Variants in TNRC6C observed in about 807,000 individuals in gnomAD.
The protein encoded by TNRC6C is trinucleotide repeat-containing gene 6C protein.
A neutral mutation model predicts 153.7 loss-of-function variants in TNRC6C; 20 were observed. The ratio of observed to expected loss-of-function variants is 0.13; its 90% CI spans 0.09 to 0.19. The LOEUF is 0.19. TNRC6C is among the 10% of genes least tolerant of loss of function. The pLI is 1.00. For synonymous variants in TNRC6C, 811 were observed against 841.4 expected, an observed-to-expected ratio of 0.96 and a Z score of 0.63; for missense variants, 1,987 against 2,172.0, an observed-to-expected ratio of 0.91 and a Z score of 1.69.
chr17:78,012,533 T>G (rs1452308879), intron 1 of TNRC6C, among the ~76,000 whole-genome samples: 1 of 152,214 alleles, frequency 6.6e-6, no homozygotes, highest in Admixed American at 6.5e-5. Context: ...CTCAAAGAGA[T>G]ATTTTAGTGG....
chr17:77,958,350 AC>A (rs144869330), upstream of TNRC6C, among the ~76,000 whole-genome samples: 4 of 149,724 alleles, frequency 2.7e-5, no homozygotes, highest in African/African-American at 7.4e-5. Flanking sequence ...TCTCCACGTA[AC>A]CCCCCCGAGC....
At chr17:77,979,521 C>T (rs2071044690) in intron 1 of TNRC6C, among the ~76,000 whole-genome samples, 1 of 151,818 alleles carries the variant, frequency 6.6e-6, no homozygotes, top group African/African-American at 2.4e-5. Flanking sequence ...AGACAATATC[C>T]ATACCAAAGC....
chr17:78,027,151 G>A (rs981522555), intron 1 of TNRC6C, among the ~76,000 whole-genome samples: 1 of 152,104 alleles, frequency 6.6e-6, no homozygotes, highest in African/African-American at 2.4e-5. Flanking sequence ...GGGTCTTTTG[G>A]TCCAAAGACT....
intron 1 of TNRC6C, among the ~76,000 whole-genome samples, chr17:77,967,986 A>G (rs960437604): frequency 2.6e-5 from 4 of 152,254 alleles, no homozygotes; most frequent in African/African-American, 9.6e-5. Flanking sequence ...ACTCCTTTAA[A>G]GGTTACTTTA....
At chr17:77,995,285 C>G (rs1261891707) in intron 1 of TNRC6C, among the ~76,000 whole-genome samples, 1 of 152,182 alleles carries the variant, frequency 6.6e-6, no homozygotes, top group Non-Finnish European at 1.5e-5. Flanking sequence ...ACCAGAGGCA[C>G]TGTGTGTGCA....
intron 1 of TNRC6C, among the ~76,000 whole-genome samples, chr17:77,963,802 A>G (rs1897459158): frequency 6.6e-6 from 1 of 152,190 alleles, no homozygotes; most frequent in Admixed American, 6.5e-5. Context: ...ATGCATTGGA[A>G]CTTTGGTTTT....
At chr17:78,086,669 A>T (rs2073297209) in intron 12 of TNRC6C, 83 bp downstream of exon 14, 6 of 1,553,318 alleles carry the variant, frequency 3.9e-6, no homozygotes, top group Non-Finnish European at 5.3e-6. Context: ...CTATTAGATG[A>T]TCATTGATTT....
intron 3 of TNRC6C, 127 bp downstream of exon 5, chr17:78,051,575 C>A: frequency 9.4e-7 from 1 of 1,058,232 alleles, no homozygotes. Flanking sequence ...AATTTAAGTT[C>A]CCTATCACCG....
At chr17:78,106,928 G>A (rs766861372) in exon 20 of TNRC6C, 2 of 147,492 alleles carry the variant, frequency 1.4e-5, no homozygotes, top group African/African-American at 2.5e-5. Context: ...ATCCACAAAA[G>A]CTGGTTTTAT....
chr17:78,078,832 C>G (rs552930250), intron 9 of TNRC6C, among the ~76,000 whole-genome samples: 7 of 152,078 alleles, frequency 4.6e-5, no homozygotes, highest in Non-Finnish European at 8.8e-5. Context: ...GTGGCTCACA[C>G]CTGTAATCCC....
At chr17:77,975,792 A>G (rs187886515) in intron 1 of TNRC6C, among the ~76,000 whole-genome samples, 1 of 152,356 alleles carries the variant, frequency 6.6e-6, no homozygotes, top group East Asian at 1.9e-4. Flanking sequence ...ATTACTTTAT[A>G]AAGTAAAGGA....
rs1430033532 is a variant in TNRC6C, at chr17:78,017,167, T to A, written c.-546+12088T>A. 2.0e-5 allele frequency among the ~76,000 whole-genome samples: 3 copies of A among 152,328 alleles called. No individual in the cohort carries two copies. The East Asian group carries it at 5.8e-4, about 29-fold the overall frequency. On this transcript the variant is annotated intron_variant, in intron 1 of 19. Transcript: ENST00000301624. ...ACATTTTATTTCTTAAGCTGGAGAT[T>A]GGCTCCATGGAGATTTGTTGATTAT... is the stretch of plus-strand genomic sequence containing the variant.
chr17:78,049,412 C>A lies in TNRC6C; in HGVS notation c.350C>A (p.Thr117Asn). ...TGGCCTGTACTTGGACATGAAGGAA[C>A]CGTGGCGACAGGCAACCCTTCCAGT... is the stretch of plus-strand genomic sequence containing the variant. The change falls in exon 3 of 20, where the codon ACC becomes AAC. Residue 117 changes from threonine (T) to asparagine (N), a missense_variant. Physicochemically the swap from Thr to Asn is moderately conservative, Grantham distance 65 (BLOSUM62 0). Coordinates refer to ENST00000301624, the Ensembl canonical transcript of TNRC6C. This position sits in a 1 kb window ranked among gnomAD's most constrained non-coding sequence, Gnocchi z 4.1. 6.2e-7 allele frequency: 1 copy of A among 1,614,016 alleles called. No individual in the cohort carries two copies. Among genetic ancestry groups the A allele is most frequent in the South Asian group, 1.1e-5 (1 of 91,090 alleles).
intron 1 of TNRC6C, among the ~76,000 whole-genome samples, chr17:77,979,817 C>A (rs1399547293): frequency 1.3e-5 from 2 of 151,870 alleles, no homozygotes; most frequent in African/African-American, 4.8e-5. Context: ...TAAAATCAGC[C>A]AAAGGAGGAA....
At chr17:78,063,870 C>A (rs990307104) in intron 3 of TNRC6C, among the ~76,000 whole-genome samples, 5 of 152,114 alleles carry the variant, frequency 3.3e-5, no homozygotes, top group African/African-American at 1.2e-4. Context: ...AGAATGATTT[C>A]TTTTATGTCA....
chr17:77,973,799 C>T (rs772472508), intron 1 of TNRC6C, among the ~76,000 whole-genome samples: 4 of 152,068 alleles, frequency 2.6e-5, no homozygotes, highest in Non-Finnish European at 4.4e-5. Context: ...GATGTTTACA[C>T]CGAAACTGCA....
chr17:78,104,410 A>T lies in TNRC6C; in HGVS notation c.4713-75A>T, dbSNP rs561099382. ...GCTTCCATGTGGGGCCGTTCCCAAT[A>T]CAGAGAAAGCCAGTGCCACGAACTC... On this transcript the variant is annotated intron_variant, in intron 19 of 19. Coordinates refer to ENST00000301624, the Ensembl canonical transcript of TNRC6C. The surrounding 1 kb of genome is among the most constrained non-coding windows in gnomAD (Gnocchi z 6.2). 3 of 1,417,406 alleles carry T rather than the reference A, an allele frequency of 2.1e-6. No individual in the cohort carries two copies. In the African/African-American group the frequency reaches 4.5e-5, roughly 21 times the overall value. The allele number at this position is 1,417,406 out of a possible 1,614,324, so 87.8% of individuals were successfully genotyped here.
intron 3 of TNRC6C, among the ~76,000 whole-genome samples, chr17:78,063,063 T>C (rs1399000509): frequency 6.6e-6 from 1 of 151,936 alleles, no homozygotes; most frequent in Non-Finnish European, 1.5e-5. Context: ...CTGGCCAACA[T>C]GGTGAAACCC....
chr17:78,054,634 G>A (rs1340405389), intron 3 of TNRC6C, among the ~76,000 whole-genome samples: 1 of 151,852 alleles, frequency 6.6e-6, no homozygotes, highest in Non-Finnish European at 1.5e-5. Flanking sequence ...ATACACCACT[G>A]CAGACTACTG....
Sources: gnomAD v4.1 joint callset for allele counts (sites outside exome capture counted in the v4.1 genomes callset) on GRCh38, gnomAD v4.1.1 for gene constraint, Gnocchi (gnomAD v3.1) non-coding constraint, MANE v1.5 for transcripts, NCBI Gene and HGNC (gene_info 2026-07-23, HGNC 2026-07-21) for gene names.